LRRC20: variants seen among roughly 807,000 people sequenced by gnomAD.
The protein encoded by LRRC20 is leucine rich repeat containing 20, also known as leucine-rich repeat-containing protein 20.
A neutral mutation model predicts 14.4 loss-of-function variants in LRRC20; 11 were observed. That is an observed-to-expected ratio of 0.77 (90% CI 0.48 to 1.27). The LOEUF (loss-of-function observed/expected upper bound fraction) is 1.27. LRRC20 is among the 50% of genes most tolerant of loss of function. The pLI is 0.00. For missense variants in LRRC20, 219 were observed against 251.2 expected, an observed-to-expected ratio of 0.87 and a Z score of 0.87; for synonymous variants, 121 against 107.3, an observed-to-expected ratio of 1.13 and a Z score of -0.79.
At chr10:70,381,344 C>T (rs1341048478) in intron 1 of LRRC20, among the ~76,000 whole-genome samples, 4 of 152,200 alleles carry the variant, frequency 2.6e-5, no homozygotes, top group Admixed American at 2.0e-4. Context: ...CAATGCCAGA[C>T]AAAAACGTTG....
At chr10:70,349,192 G>A (rs1339671961) in intron 2 of LRRC20, among the ~76,000 whole-genome samples, 1 of 152,206 alleles carries the variant, frequency 6.6e-6, no homozygotes, top group African/African-American at 2.4e-5. Flanking sequence ...CGTGAGGACC[G>A]CATCAAGCAG....
intron 4 of LRRC20, among the ~76,000 whole-genome samples, chr10:70,321,982 T>C (rs1842097498): frequency 6.6e-6 from 1 of 152,262 alleles, no homozygotes; most frequent in African/African-American, 2.4e-5. Context: ...CTTTGCTCTG[T>C]GGCTGTGCCT....
rs1228001423 is a variant in LRRC20 at position 70,311,732 on chromosome 10, A to C, written c.401-10224T>G. Among the ~76,000 whole-genome samples the C allele has an allele frequency of 1.6e-4, 24 of 152,168 alleles. 1 individual carries two copies. The highest frequency in any genetic ancestry group is 4.4e-5 in the Non-Finnish European group (3 of 68,026). ...AGGCCTCATGTCTTAGGTGAGGACT[A>C]AAGTCAAGGACTCAGTGGCCTATGG... On this transcript the variant is annotated intron_variant, in intron 4 of 4. Transcript: ENST00000446961.
intron 3 of LRRC20, among the ~76,000 whole-genome samples, chr10:70,330,219 A>G (rs1409015304): frequency 1.3e-5 from 2 of 151,964 alleles, no homozygotes; most frequent in Admixed American, 6.6e-5. Context: ...GAATTCTCCA[A>G]TGCAATCACC....
intron 2 of LRRC20, among the ~76,000 whole-genome samples, chr10:70,373,926 T>C (rs1190490482): frequency 6.6e-6 from 1 of 152,196 alleles, no homozygotes; most frequent in Non-Finnish European, 1.5e-5. Context: ...CAGCATGCCC[T>C]GCCCTAGCCG....
At position 70,311,222 on chromosome 10, in the gene LRRC20, ATTTT is replaced by A. The variant is rs11314061; in HGVS notation, c.401-9718_401-9715del. Among the ~76,000 whole-genome samples the A allele has an allele frequency of 9.9e-3, 858 of 86,328 alleles. 9 individuals carry two copies. The highest frequency in any genetic ancestry group is 0.037 in the African/African-American group (825 of 22,102). The allele number at this position is 86,328 out of a possible 152,430, so 56.6% of individuals were successfully genotyped here. ...ACATCCAGGTTGTTTTCAACATTCC[ATTTT>A]TTTTTTTTTTTTTTTTTTTTGAGAC... On this transcript the variant is annotated intron_variant, in intron 4 of 4. Transcript: ENST00000446961.
intron 2 of LRRC20, among the ~76,000 whole-genome samples, chr10:70,349,291 C>T (rs1482570879): frequency 1.3e-5 from 2 of 152,154 alleles, no homozygotes; most frequent in African/African-American, 2.4e-5. Context: ...AGTTAATAAG[C>T]GCAGGGCTGG....
At chr10:70,344,660 G>C (rs1314606983) in intron 2 of LRRC20, among the ~76,000 whole-genome samples, 2 of 152,186 alleles carry the variant, frequency 1.3e-5, no homozygotes, top group African/African-American at 4.8e-5. Context: ...TCGAACTCCT[G>C]GGCTTAAACG....
At chr10:70,342,396 G>A (rs550990305) in intron 2 of LRRC20, among the ~76,000 whole-genome samples, 1 of 152,110 alleles carries the variant, frequency 6.6e-6, no homozygotes, top group South Asian at 2.1e-4. Flanking sequence ...CACTTTAAGT[G>A]GATGAATTGT....
intron 2 of LRRC20, among the ~76,000 whole-genome samples, chr10:70,348,983 G>A (rs1027318732): frequency 4.6e-5 from 7 of 152,242 alleles, no homozygotes; most frequent in Admixed American, 1.3e-4. Context: ...AGAGAACACA[G>A]CCAAGATGTG....
intron 4 of LRRC20, among the ~76,000 whole-genome samples, chr10:70,312,843 G>A (rs779407344): frequency 5.9e-5 from 9 of 152,154 alleles, no homozygotes; most frequent in Non-Finnish European, 1.2e-4. Context: ...GAAGTATGGC[G>A]GGCACCCCCA....
chr10:70,317,184 G>A (rs549224848), intron 4 of LRRC20, among the ~76,000 whole-genome samples: 22 of 152,308 alleles, frequency 1.4e-4, no homozygotes, highest in Non-Finnish European at 2.9e-4. Context: ...CCTCCCACTT[G>A]AATGTGGAAA....
At chr10:70,311,309 A>C (rs1257719196) in intron 4 of LRRC20, among the ~76,000 whole-genome samples, 1 of 145,290 alleles carries the variant, frequency 6.9e-6, no homozygotes, top group Non-Finnish European at 1.5e-5. Flanking sequence ...GCTCACTGCA[A>C]CCTCCACCTC....
intron 2 of LRRC20, among the ~76,000 whole-genome samples, chr10:70,348,148 A>G (rs1843149328): frequency 6.6e-6 from 1 of 152,084 alleles, no homozygotes; most frequent in Non-Finnish European, 1.5e-5. Context: ...TGCACCACCA[A>G]GCTCCTACCC....
chr10:70,322,075 C>T (rs780475064), intron 4 of LRRC20, among the ~76,000 whole-genome samples: 4 of 152,218 alleles, frequency 2.6e-5, no homozygotes, highest in African/African-American at 4.8e-5. Flanking sequence ...GTGCAAGTCA[C>T]TTCTTGGACT....
At chr10:70,328,335 C>T (rs1351811490) in intron 3 of LRRC20, among the ~76,000 whole-genome samples, 3 of 151,014 alleles carry the variant, frequency 2.0e-5, no homozygotes, top group Non-Finnish European at 2.9e-5. Flanking sequence ...TTTGCTCTTT[C>T]GCCCAGGCTG....
chr10:70,364,370 G>A (rs981673559), intron 2 of LRRC20, among the ~76,000 whole-genome samples: 1 of 152,206 alleles, frequency 6.6e-6, no homozygotes, highest in Non-Finnish European at 1.5e-5. Flanking sequence ...GGGCACTCCC[G>A]GGCACATGCA....
intron 2 of LRRC20, among the ~76,000 whole-genome samples, chr10:70,372,648 T>C (rs983810349): frequency 9.9e-5 from 15 of 151,976 alleles, no homozygotes; most frequent in East Asian, 1.9e-4. Context: ...TTCACCATGT[T>C]AGCCAGGATG....
chr10:70,360,694 T>G (rs1236550031), intron 2 of LRRC20, among the ~76,000 whole-genome samples: 1 of 152,088 alleles, frequency 6.6e-6, no homozygotes, highest in Non-Finnish European at 1.5e-5. Context: ...CCTCCCGCCC[T>G]GGCCTCTCAA....
Sources: allele counts gnomAD v4.1 joint callset (sites outside exome capture counted in the v4.1 genomes callset), GRCh38; gene constraint gnomAD v4.1.1; transcripts MANE v1.5; gene names NCBI Gene and HGNC (gene_info 2026-07-23, HGNC 2026-07-21).